The following CRYZL1 variants were observed in gnomAD, a reference collection of about 807,000 sequenced individuals.
The protein encoded by CRYZL1 is ferry endosomal RAB5 effector complex subunit 4.
Under a neutral mutation model 50.6 loss-of-function variants are expected in CRYZL1, and 34 were observed. The observed-to-expected ratio is 0.67, with a 90% CI of 0.51 to 0.89. CRYZL1 has a LOEUF of 0.89. Among genes scored for constraint, CRYZL1 ranks in the 40% least tolerant of loss-of-function variants. CRYZL1 has a pLI of 0.00. For missense variants in CRYZL1, 354 were observed against 402.3 expected (o/e 0.88, Z 1.03); for synonymous variants, 125 against 134.3 (o/e 0.93, Z 0.48).
chr21:33,637,241 G>A (rs1227325527), intron 1 of CRYZL1, among the ~76,000 whole-genome samples: 1 of 151,866 alleles, frequency 6.6e-6, no homozygotes, highest in Admixed American at 6.6e-5. Flanking sequence ...GTCAGGAGAT[G>A]GCGACTATCC....
chr21:33,610,727 GTTTTTTT>G (rs747790692), intron 6 of CRYZL1, among the ~76,000 whole-genome samples: 11 of 101,478 alleles, frequency 1.1e-4, no homozygotes, highest in African/African-American at 1.9e-4. Flanking sequence ...TTGTTTGGTT[GTTTTTTT>G]TTTTTTTTTT....
At chr21:33,620,367 T>C (rs2086980150) in intron 4 of CRYZL1, among the ~76,000 whole-genome samples, 1 of 152,208 alleles carries the variant, frequency 6.6e-6, no homozygotes, top group African/African-American at 2.4e-5. Flanking sequence ...TATGTAAAGA[T>C]CATTATTTCA....
rs568201482 is a variant in CRYZL1 at position 33,626,501 on chromosome 21, A to G, written c.67-1741T>C. On this transcript the variant is annotated intron_variant, in intron 2 of 12. Coordinates refer to ENST00000381554, the MANE Select transcript of CRYZL1 (RefSeq NM_145858.3). ...CACTTAAGGTCAGGAGTTTGAGACCAGCCTGGCCAACATGGTGAAACCCGG... is the reference window on the plus strand; with the variant it reads ...CACTTAAGGTCAGGAGTTTGAGACCGGCCTGGCCAACATGGTGAAACCCGG... 1.8e-3 allele frequency among the ~76,000 whole-genome samples: 267 copies of G among 151,672 alleles called. 1 individual carries two copies. The highest frequency in any genetic ancestry group is 2.9e-3 in the Non-Finnish European group (199 of 67,922).
chr21:33,598,571 T>C (rs2145920699), intron 9 of CRYZL1, among the ~76,000 whole-genome samples: 1 of 152,308 alleles, frequency 6.6e-6, no homozygotes, highest in East Asian at 1.9e-4. Flanking sequence ...AGAAGTCAAC[T>C]ATCCAATCGA....
intron 6 of CRYZL1, among the ~76,000 whole-genome samples, chr21:33,606,481 C>A (rs1191633792): frequency 6.6e-6 from 1 of 150,564 alleles, no homozygotes; most frequent in Non-Finnish European, 1.5e-5. Flanking sequence ...CAAAAATTAG[C>A]CAGGCATGGT....
At chr21:33,602,075 A>G (rs2086762750) in intron 8 of CRYZL1, among the ~76,000 whole-genome samples, 159 bp downstream of exon 8, 1 of 151,816 alleles carries the variant, frequency 6.6e-6, no homozygotes, top group Non-Finnish European at 1.5e-5. Context: ...CCTGGGCTCA[A>G]GCAATCCTCC....
chr21:33,625,143 G>A (rs191854928), intron 2 of CRYZL1, among the ~76,000 whole-genome samples: 145 of 151,684 alleles, frequency 9.6e-4, no homozygotes, highest in Middle Eastern at 3.4e-3. Flanking sequence ...TACACATAAC[G>A]TATAACCTTT....
At chr21:33,596,013 G>C in intron 10 of CRYZL1, 177 bp from the exon 11 acceptor site, 1 of 619,922 alleles carries the variant, frequency 1.6e-6, no homozygotes, top group Non-Finnish European at 2.9e-6. Context: ...CCAAAATGAT[G>C]AAACAGCGAG....
chr21:33,596,885 CAG>C (rs1379434375), intron 10 of CRYZL1, among the ~76,000 whole-genome samples: 11 of 146,102 alleles, frequency 7.5e-5, no homozygotes, highest in Non-Finnish European at 1.3e-4. Context: ...TTTTTTGAGA[CAG>C]AGTCTCACTC....
chr21:33,627,911 A>AT (rs1029814634), intron 2 of CRYZL1, among the ~76,000 whole-genome samples: 5 of 151,040 alleles, frequency 3.3e-5, no homozygotes, highest in Non-Finnish European at 5.9e-5. Context: ...CGCCTGGCTA[A>AT]TTTTTTTTTA....
intron 1 of CRYZL1, among the ~76,000 whole-genome samples, chr21:33,637,035 C>T (rs1355324258): frequency 6.6e-6 from 1 of 152,176 alleles, no homozygotes; most frequent in Non-Finnish European, 1.5e-5. Context: ...TCATTCCTTA[C>T]CTACACTTTC....
intron 11 of CRYZL1, 86 bp downstream of exon 11, chr21:33,595,645 A>G (rs542586581): frequency 1.3e-6 from 2 of 1,569,602 alleles, no homozygotes; most frequent in African/African-American, 2.7e-5. Context: ...CTTAACTGCT[A>G]TTATTATTTC....
At chr21:33,639,213 G>A (rs934594168) in intron 1 of CRYZL1, among the ~76,000 whole-genome samples, 6 of 152,008 alleles carry the variant, frequency 3.9e-5, no homozygotes, top group Non-Finnish European at 7.4e-5. Flanking sequence ...AAGAGTCTAG[G>A]GTTTCTTACA....
At chr21:33,621,093 G>A (rs2086994285) in intron 4 of CRYZL1, among the ~76,000 whole-genome samples, 1 of 148,252 alleles carries the variant, frequency 6.7e-6, no homozygotes, top group Non-Finnish European at 1.5e-5. Flanking sequence ...TTTTAGTAGA[G>A]ACAGGGTTTC....
At chr21:33,635,963 C>T (rs992292388) in intron 1 of CRYZL1, among the ~76,000 whole-genome samples, 2 of 151,726 alleles carry the variant, frequency 1.3e-5, no homozygotes, top group Non-Finnish European at 2.9e-5. Context: ...CCTGGCAACA[C>T]AGCGAGGCTT....
intron 1 of CRYZL1, among the ~76,000 whole-genome samples, chr21:33,637,788 T>TATATATATATATATACACAC (rs1491462371): frequency 6.0e-5 from 7 of 117,206 alleles, no homozygotes; most frequent in Non-Finnish European, 7.3e-5. Context: ...TATATATATA[T>TATATATATATATATACACAC]ACACACACAC....
intron 9 of CRYZL1, among the ~76,000 whole-genome samples, chr21:33,598,013 G>A (rs1217496928): frequency 2.0e-5 from 3 of 152,126 alleles, no homozygotes; most frequent in Non-Finnish European, 4.4e-5. Flanking sequence ...GCATTAAACT[G>A]ATCATAAAAT....
intron 3 of CRYZL1, 33 bp from the exon 4 acceptor site, chr21:33,622,101 T>A (rs778844223): frequency 1.9e-6 from 3 of 1,547,600 alleles, no homozygotes; most frequent in Non-Finnish European, 2.7e-6. Context: ...AACATACTAT[T>A]GTCAGAAGAA....
intron 4 of CRYZL1, among the ~76,000 whole-genome samples, chr21:33,620,593 T>A (rs1011232977): frequency 6.6e-6 from 1 of 150,506 alleles, no homozygotes; most frequent in Admixed American, 6.6e-5. Context: ...GGCAGATCAC[T>A]TGAGGTCAGG....
Sources: gnomAD v4.1 joint callset for allele counts (sites outside exome capture counted in the v4.1 genomes callset) on GRCh38, gnomAD v4.1.1 for gene constraint, MANE v1.5 for transcripts, NCBI Gene and HGNC (gene_info 2026-07-23, HGNC 2026-07-21) for gene names.